The following CREB5 variants were observed in gnomAD, a reference collection of about 807,000 sequenced individuals.
CREB5 encodes cyclic AMP-responsive element-binding protein 5.
Under a neutral mutation model 57.1 loss-of-function variants are expected in CREB5, and 19 were observed. The ratio of observed to expected loss-of-function variants is 0.33; its 90% CI spans 0.23 to 0.49. CREB5 has a LOEUF of 0.49. Among genes scored for constraint, CREB5 ranks in the 20% least tolerant of loss-of-function variants. The pLI, the probability that CREB5 is intolerant of heterozygous loss-of-function variation, is 0.99. For synonymous variants in CREB5, 238 were observed against 238.3 expected, an observed-to-expected ratio of 1.00 and a Z score of 0.01; for missense variants, 579 against 671.6, an observed-to-expected ratio of 0.86 and a Z score of 1.52.
chr7:28,380,120 T>A (rs1786938150), intron 1 of CREB5, among the ~76,000 whole-genome samples: 1 of 152,200 alleles, frequency 6.6e-6, no homozygotes, highest in African/African-American at 2.4e-5. Flanking sequence ...ACTACTGCTG[T>A]AGGCTTTCTT....
chr7:28,391,993 G>A (rs922603260), intron 1 of CREB5, among the ~76,000 whole-genome samples: 2 of 152,114 alleles, frequency 1.3e-5, no homozygotes, highest in African/African-American at 4.8e-5. Flanking sequence ...GGAGCTGGAG[G>A]CCATTTTTCT....
intron 5 of CREB5, among the ~76,000 whole-genome samples, chr7:28,591,563 A>G (rs1276286336): frequency 6.6e-6 from 1 of 152,206 alleles, no homozygotes. Flanking sequence ...ACCTGCCTTC[A>G]GAAACAATAA....
chr7:28,404,091 A>C (rs974135452), intron 1 of CREB5, among the ~76,000 whole-genome samples: 1 of 152,178 alleles, frequency 6.6e-6, no homozygotes, highest in Non-Finnish European at 1.5e-5. Context: ...TGTACAAAAC[A>C]AGCTCAACCA....
chr7:28,572,187 G>T (rs968417821), intron 5 of CREB5, among the ~76,000 whole-genome samples: 2 of 152,184 alleles, frequency 1.3e-5, no homozygotes, highest in South Asian at 2.1e-4. Context: ...GAGAGTAATG[G>T]GTAATGGGTA....
At chr7:28,650,498 C>T (rs1428824167) in intron 5 of CREB5, among the ~76,000 whole-genome samples, 1 of 152,118 alleles carries the variant, frequency 6.6e-6, no homozygotes, top group Non-Finnish European at 1.5e-5. Flanking sequence ...ACAGTCATGC[C>T]ATTTCAATCA....
intron 4 of CREB5, among the ~76,000 whole-genome samples, chr7:28,560,845 C>CGTGTGTGTGT (rs1396686194): frequency 7.3e-5 from 3 of 41,320 alleles, no homozygotes; most frequent in Non-Finnish European, 1.7e-4. Context: ...TGTGTGTGTG[C>CGTGTGTGTGT]GCGTGTGTGT....
intron 4 of CREB5, among the ~76,000 whole-genome samples, chr7:28,542,299 C>T (rs1169578941): frequency 6.6e-6 from 1 of 152,178 alleles, no homozygotes; most frequent in Non-Finnish European, 1.5e-5. Context: ...ACCCTGTGCT[C>T]ATAACCACTG....
At chr7:28,757,443 C>T (rs981353197) in intron 7 of CREB5, among the ~76,000 whole-genome samples, 23 of 152,078 alleles carry the variant, frequency 1.5e-4, no homozygotes, top group Non-Finnish European at 2.4e-4. Context: ...GAGGCTGAGG[C>T]GGGCAGATCA....
rs757685468 is a variant in CREB5 at position 28,686,213 on chromosome 7, T to A, written c.465-32540T>A. Reference sequence around the variant, plus strand: ...TGTCCATGAGGTTTGTTTTTAATTTTATTTTCTTTTCTCCTGATTTTATAG... The same window carrying A: ...TGTCCATGAGGTTTGTTTTTAATTTAATTTTCTTTTCTCCTGATTTTATAG... On this transcript the variant is annotated intron_variant, in intron 5 of 10. Coordinates refer to ENST00000357727, the MANE Select transcript of CREB5 (RefSeq NM_182898.4). 7 of 1,597,402 alleles carry A rather than the reference T, an allele frequency of 4.4e-6. No homozygotes were observed. The Admixed American group carries it at 5.0e-5, about 11-fold the overall frequency.
At chr7:28,300,961 A>G (rs899540131) in intron 1 of CREB5, among the ~76,000 whole-genome samples, 1 of 152,198 alleles carries the variant, frequency 6.6e-6, no homozygotes, top group Admixed American at 6.5e-5. Context: ...GGGTCCACCA[A>G]TCTGTGTGTT....
At position 28,686,277 on chromosome 7, in the gene CREB5, C is replaced by T. The variant is rs117815763; in HGVS notation, c.465-32476C>T. 1,833 of 1,004,702 alleles carry T rather than the reference C, an allele frequency of 1.8e-3. 39 individuals carry two copies. In the East Asian group the frequency reaches 0.035, roughly 19 times the overall value. 62.2% of individuals were successfully genotyped at this position (1,004,702 alleles called of 1,614,324 possible). A position where few individuals can be genotyped will look rare whatever the true frequency, so the allele number is the denominator to read the frequency against. On this transcript the variant is annotated intron_variant, in intron 5 of 10. Coordinates refer to ENST00000357727, the MANE Select transcript of CREB5 (RefSeq NM_182898.4). Reference sequence around the variant, plus strand: ...CTACTGCCTTCTGTTTTTGAGCCTTCGTCCTCCTCCTCCTCCTCTTCATTT... The same window carrying T: ...CTACTGCCTTCTGTTTTTGAGCCTTTGTCCTCCTCCTCCTCCTCTTCATTT...
chr7:28,434,204 A>G (rs1788845942), intron 1 of CREB5, among the ~76,000 whole-genome samples: 1 of 152,128 alleles, frequency 6.6e-6, no homozygotes, highest in Non-Finnish European at 1.5e-5. Context: ...GCAACTCCTC[A>G]TCTCAGCTCC....
At chr7:28,643,511 C>A (rs1466799265) in intron 5 of CREB5, among the ~76,000 whole-genome samples, 2 of 152,118 alleles carry the variant, frequency 1.3e-5, no homozygotes, top group East Asian at 3.9e-4. Flanking sequence ...AGATACACAT[C>A]CTTTCTGAAT....
intron 5 of CREB5, 143 bp from the exon 6 acceptor site, chr7:28,718,610 T>A: frequency 8.9e-7 from 1 of 1,128,858 alleles, no homozygotes; most frequent in East Asian, 2.6e-5. Flanking sequence ...ATTATTTCCC[T>A]AATATCCTCA....
At chr7:28,547,796 G>A (rs1396615220) in intron 4 of CREB5, among the ~76,000 whole-genome samples, 1 of 152,112 alleles carries the variant, frequency 6.6e-6, no homozygotes. Flanking sequence ...ATGTAGCTTT[G>A]GAAGTGTGTA....
intron 1 of CREB5, among the ~76,000 whole-genome samples, chr7:28,300,223 A>C (rs1785076961): frequency 6.6e-6 from 1 of 152,116 alleles, no homozygotes; most frequent in African/African-American, 2.4e-5. Flanking sequence ...ATATGGTGCT[A>C]GTTCTCAAGT....
intron 5 of CREB5, among the ~76,000 whole-genome samples, chr7:28,665,433 C>CA (rs1376416406): frequency 6.6e-6 from 1 of 152,148 alleles, no homozygotes; most frequent in Non-Finnish European, 1.5e-5. Context: ...CATAAAAACT[C>CA]AAAGATGTTG....
At chr7:28,353,668 C>A (rs1418713033) in intron 1 of CREB5, among the ~76,000 whole-genome samples, 1 of 151,752 alleles carries the variant, frequency 6.6e-6, no homozygotes, top group East Asian at 1.9e-4. Flanking sequence ...ATGGTGAAAC[C>A]CCGTCTCTAC....
chr7:28,387,372 T>C (rs549127785), intron 1 of CREB5, among the ~76,000 whole-genome samples: 3 of 152,354 alleles, frequency 2.0e-5, no homozygotes, highest in Admixed American at 2.0e-4. Flanking sequence ...TGAATGTATG[T>C]CTTTTGAGAA....
Sources: gnomAD v4.1 joint callset for allele counts (sites outside exome capture counted in the v4.1 genomes callset) on GRCh38, gnomAD v4.1.1 for gene constraint, MANE v1.5 for transcripts, NCBI Gene and HGNC (gene_info 2026-07-23, HGNC 2026-07-21) for gene names.